Variants in SMYD3 observed in about 807,000 individuals in gnomAD.
SMYD3 encodes histone-lysine N-methyltransferase SMYD3.
Under a neutral mutation model 57.7 loss-of-function variants are expected in SMYD3, and 36 were observed. The ratio of observed to expected loss-of-function variants is 0.62; its 90% confidence interval spans 0.48 to 0.82. The LOEUF is 0.82. SMYD3 is among the 40% of genes least tolerant of loss of function. The pLI is 0.00. For synonymous variants in SMYD3, 211 were observed against 195.0 expected (o/e 1.08, Z -0.68); for missense variants, 515 against 538.8 (o/e 0.96, Z 0.44).
intron 1 of SMYD3, among the ~76,000 whole-genome samples, chr1:246,429,008 T>C (rs2067261059): frequency 1.0e-5 from 1 of 95,546 alleles, no homozygotes. Context: ...CAAGCATTCC[T>C]TCCTACCAAA....
intron 10 of SMYD3, among the ~76,000 whole-genome samples, chr1:245,820,552 T>C (rs1159928356): frequency 6.6e-6 from 1 of 151,472 alleles, no homozygotes; most frequent in South Asian, 2.1e-4. Context: ...CCAGGGCAAT[T>C]AGGCAGGAGA....
chr1:246,448,961 C>T (rs969133975), intron 1 of SMYD3, among the ~76,000 whole-genome samples: 1 of 152,144 alleles, frequency 6.6e-6, no homozygotes, highest in African/African-American at 2.4e-5. Context: ...GGCACAGTGG[C>T]TCACACTTGT....
intron 5 of SMYD3, among the ~76,000 whole-genome samples, chr1:246,160,971 C>T (rs1434688007): frequency 6.6e-6 from 1 of 152,182 alleles, no homozygotes; most frequent in Non-Finnish European, 1.5e-5. Flanking sequence ...TTGCTTACTC[C>T]TCTCGCCCTG....
At chr1:246,428,295 T>C (rs974574911) in intron 1 of SMYD3, among the ~76,000 whole-genome samples, 3 of 152,198 alleles carry the variant, frequency 2.0e-5, no homozygotes, top group Non-Finnish European at 4.4e-5. Context: ...TATCTTTAAG[T>C]TGAATTCAAA....
At chr1:245,830,073 C>T (rs979759414) in intron 10 of SMYD3, among the ~76,000 whole-genome samples, 1 of 152,036 alleles carries the variant, frequency 6.6e-6, no homozygotes, top group Non-Finnish European at 1.5e-5. Context: ...TGCTAAAAGC[C>T]ACTGAGTAGT....
chr1:246,507,002 C>A (rs571157173), intron 1 of SMYD3, 52 bp downstream of exon 1: 100 of 1,121,206 alleles, frequency 8.9e-5, no homozygotes, highest in Non-Finnish European at 1.1e-4. Flanking sequence ...CCCCCCTCCC[C>A]AGCACCCCAC....
intron 5 of SMYD3, among the ~76,000 whole-genome samples, chr1:246,070,044 A>C (rs1165495592): frequency 6.6e-6 from 1 of 152,150 alleles, no homozygotes; most frequent in Admixed American, 6.5e-5. Context: ...GAGTGGATCC[A>C]TGCTTTGAGA....
chr1:245,872,270 C>T (rs147806580), intron 8 of SMYD3, among the ~76,000 whole-genome samples: 2 of 152,164 alleles, frequency 1.3e-5, no homozygotes, highest in African/African-American at 4.8e-5. Flanking sequence ...TAACAGATGT[C>T]CACAAGCAGG....
intron 5 of SMYD3, among the ~76,000 whole-genome samples, chr1:246,135,294 G>A (rs76920944): frequency 0.019 from 2,917 of 152,130 alleles, 59 homozygotes; most frequent in Admixed American, 0.033. Flanking sequence ...CAGTACCTGC[G>A]AACACAAAGC....
At chr1:246,305,642 T>C (rs1016230849) in intron 5 of SMYD3, among the ~76,000 whole-genome samples, 3 of 152,204 alleles carry the variant, frequency 2.0e-5, no homozygotes, top group Non-Finnish European at 4.4e-5. Flanking sequence ...TGGGCTTCCA[T>C]AGTCATATTT....
chr1:245,941,053 GA>G (rs1386488631), intron 5 of SMYD3, among the ~76,000 whole-genome samples: 1 of 152,172 alleles, frequency 6.6e-6, no homozygotes, highest in East Asian at 1.9e-4. Flanking sequence ...AGACCAAGTG[GA>G]AGAAAGAATT....
chr1:246,059,387 A>G (rs2060211419), intron 5 of SMYD3, among the ~76,000 whole-genome samples: 1 of 152,238 alleles, frequency 6.6e-6, no homozygotes. Flanking sequence ...CTATACTAAC[A>G]GAAGAACTAT....
At chr1:245,862,546 A>AAT (rs2051607622) in intron 9 of SMYD3, among the ~76,000 whole-genome samples, 1 of 151,936 alleles carries the variant, frequency 6.6e-6, no homozygotes, top group Non-Finnish European at 1.5e-5. Context: ...CACCTCTATT[A>AAT]TCCTCCCCAT....
At chr1:246,084,366 C>A (rs984580756) in intron 5 of SMYD3, among the ~76,000 whole-genome samples, 1 of 151,978 alleles carries the variant, frequency 6.6e-6, no homozygotes, top group Non-Finnish European at 1.5e-5. Context: ...CAGGCATGCA[C>A]CATCATGCCC....
intron 5 of SMYD3, among the ~76,000 whole-genome samples, chr1:246,107,623 A>C (rs191846091): frequency 6.6e-6 from 1 of 152,148 alleles, no homozygotes; most frequent in East Asian, 1.9e-4. Flanking sequence ...TTATTAAATA[A>C]ATAAAATCCC....
At chr1:246,470,493 T>C (rs1558479619) in intron 1 of SMYD3, among the ~76,000 whole-genome samples, 2 of 90,290 alleles carry the variant, frequency 2.2e-5, no homozygotes, top group East Asian at 9.2e-4. Flanking sequence ...AGAATCTGTC[T>C]AAAAATAAAA....
intron 7 of SMYD3, among the ~76,000 whole-genome samples, chr1:245,915,953 T>G (rs1046951453): frequency 2.0e-5 from 3 of 152,206 alleles, no homozygotes; most frequent in Non-Finnish European, 4.4e-5. Flanking sequence ...CTGTTGTATG[T>G]TTACTAAGGT....
intron 1 of SMYD3, among the ~76,000 whole-genome samples, chr1:246,475,014 C>T (rs1029059914): frequency 2.6e-5 from 4 of 151,958 alleles, no homozygotes; most frequent in African/African-American, 4.8e-5. Flanking sequence ...TGATTTGTGG[C>T]GCATTAAAAA....
At chr1:246,495,542 T>C (rs1453413449) in intron 1 of SMYD3, among the ~76,000 whole-genome samples, 2 of 152,070 alleles carry the variant, frequency 1.3e-5, no homozygotes, top group South Asian at 4.1e-4. Context: ...TGAGAGCTGT[T>C]CAAAGACAAA....
Sources: allele counts gnomAD v4.1 joint callset (sites outside exome capture counted in the v4.1 genomes callset), GRCh38; gene constraint gnomAD v4.1.1; transcripts MANE v1.5; gene names NCBI Gene and HGNC (gene_info 2026-07-23, HGNC 2026-07-21).